Variants in UBR4 observed in about 807,000 individuals in gnomAD.
UBR4 encodes the protein ubiquitin protein ligase E3 component n-recognin 4, also known as E3 ubiquitin-protein ligase UBR4.
UBR4 carries 124 observed loss-of-function variants against 575.6 expected under a neutral mutation model. The observed-to-expected ratio is 0.22, with a 90% CI of 0.19 to 0.25. UBR4 has a LOEUF of 0.25. UBR4 is among the 10% of genes least tolerant of loss of function. UBR4 has a pLI of 1.00. For synonymous variants in UBR4, 2,455 were observed against 2,473.7 expected, an observed-to-expected ratio of 0.99 and a Z score of 0.22; for missense variants, 4,818 against 6,478.8, an observed-to-expected ratio of 0.74 and a Z score of 8.80.
chr1:19,126,801 C>A (rs1394050659), intron 63 of UBR4, 146 bp from the exon 64 acceptor site: 5 of 851,298 alleles, frequency 5.9e-6, no homozygotes, highest in Non-Finnish European at 8.9e-6. Flanking sequence ...ACTGAAACTT[C>A]CCCAAGGAAG....
Position 19,197,707 on chromosome 1 carries a change from G to A in UBR4, c.856C>T (p.Pro286Ser). 6.2e-7 allele frequency: 1 copy of A among 1,614,162 alleles called. No individual in the cohort carries two copies. The highest frequency in any genetic ancestry group is 8.5e-7 in the Non-Finnish European group (1 of 1,180,028). ...GCAGTGGCATCTGCTACTGTTGCAG[G>A]CATTATGAAGAAGGAATTAGCTAAA... ...AVLANSFFIM[P>S]ATVADATAVR... Residue 286 changes from proline to serine, a missense_variant, in exon 7 of 106, where the codon CCT becomes TCT. Pro to Ser is a moderately conservative substitution (Grantham distance 74). Around this residue, in one of 29 missense-constraint regions of UBR4, gnomAD observed 131 missense variants for 214.5 expected, o/e 0.61. Coordinates refer to ENST00000375254, the MANE Select transcript of UBR4 (RefSeq NM_020765.3).
chr1:19,087,960 G>A (rs746727342), intron 98 of UBR4, 31 bp from the exon 99 acceptor site: 2 of 1,551,044 alleles, frequency 1.3e-6, no homozygotes, highest in African/African-American at 2.7e-5. Flanking sequence ...CATGTCAAGG[G>A]GATTTCCACA....
intron 48 of UBR4, 162 bp from the exon 49 acceptor site, chr1:19,150,955 A>T (rs1037371709): frequency 1.4e-6 from 1 of 713,088 alleles, no homozygotes; most frequent in Non-Finnish European, 2.3e-6. Flanking sequence ...AATCGTGTAT[A>T]TATGCTGAAT....
At chr1:19,145,481 T>G (rs185175986) in intron 53 of UBR4, among the ~76,000 whole-genome samples, 6 of 141,958 alleles carry the variant, frequency 4.2e-5, no homozygotes, top group African/African-American at 1.6e-4. Context: ...TTGTCAAAGA[T>G]TTTTAAAAAC....
intron 97 of UBR4, among the ~76,000 whole-genome samples, chr1:19,091,612 G>A (rs553272786): frequency 4.5e-4 from 68 of 152,274 alleles, no homozygotes; most frequent in Admixed American, 2.9e-3. Flanking sequence ...AGAACCACAC[G>A]GAATCACTGC....
At chr1:19,135,240 T>C (rs1315596769) in intron 60 of UBR4, among the ~76,000 whole-genome samples, 1 of 152,214 alleles carries the variant, frequency 6.6e-6, no homozygotes, top group Non-Finnish European at 1.5e-5. Context: ...TGAGAAGCTG[T>C]TTCTGAACTC....
intron 64 of UBR4, 36 bp from the exon 65 acceptor site, chr1:19,124,726 A>T (rs2081538583): frequency 6.3e-7 from 1 of 1,598,104 alleles, no homozygotes; most frequent in Non-Finnish European, 8.5e-7. Flanking sequence ...ACCTGTGACT[A>T]TCGATTTTCC....
Position 19,197,817 on chromosome 1 carries a change from T to C in UBR4, c.752-6A>G. On this transcript the variant is annotated splice_region_variant and splice_polypyrimidine_tract_variant and intron_variant, in intron 6 of 105. Coordinates refer to ENST00000375254, the MANE Select transcript of UBR4 (RefSeq NM_020765.3). ...CAGTAGCTTCTCCGAGCCACCTAAA[T>C]GAATGAAAACCACAACCTTACAAAC... 1 of 1,614,038 alleles carries C rather than the reference T, an allele frequency of 6.2e-7. No individual in the cohort carries two copies. Among genetic ancestry groups the C allele is most frequent in the Non-Finnish European group, 8.5e-7 (1 of 1,179,954 alleles).
At chr1:19,077,476 G>A (rs1016182035) in intron 104 of UBR4, among the ~76,000 whole-genome samples, 1 of 152,216 alleles carries the variant, frequency 6.6e-6, no homozygotes, top group Admixed American at 6.5e-5. Context: ...GCCCATGCCT[G>A]TAATAGCAGC....
At chr1:19,136,003 A>C (rs139223371) in intron 60 of UBR4, among the ~76,000 whole-genome samples, 2 of 152,206 alleles carry the variant, frequency 1.3e-5, no homozygotes, top group African/African-American at 4.8e-5. Context: ...GTGATTTCTC[A>C]TTGGAAATAA....
At chr1:19,136,977 T>A (rs1188960454) in intron 60 of UBR4, among the ~76,000 whole-genome samples, 1 of 126,804 alleles carries the variant, frequency 7.9e-6, no homozygotes, top group Non-Finnish European at 1.9e-5. Context: ...TCAGGCACCA[T>A]TTTTTTTACC....
At chr1:19,196,322 T>C (rs1212853041) in intron 8 of UBR4, among the ~76,000 whole-genome samples, 1 of 152,178 alleles carries the variant, frequency 6.6e-6, no homozygotes, top group Admixed American at 6.5e-5. Flanking sequence ...ATGTTCAAAT[T>C]AAAACTGTTC....
intron 71 of UBR4, 153 bp downstream of exon 71, chr1:19,118,719 T>G: frequency 2.9e-6 from 2 of 695,588 alleles, no homozygotes; most frequent in Non-Finnish European, 4.9e-6. Flanking sequence ...TGCAAGACCC[T>G]GGCCTACATG....
At position 19,100,831 on chromosome 1, in the gene UBR4, G is replaced by A. The variant is rs1408460270; in HGVS notation, c.13024-258C>T. Among the ~76,000 whole-genome samples the A allele has an allele frequency of 6.6e-6, 1 of 151,846 alleles. No individual in the cohort carries two copies. Among genetic ancestry groups the A allele is most frequent in the African/African-American group, 2.4e-5 (1 of 41,304 alleles). ...AAGCCTAACAAAACAAGCAGACAAGGAGTGACATATGAGAGATATATTAAA... is the reference window on the plus strand; with the variant it reads ...AAGCCTAACAAAACAAGCAGACAAGAAGTGACATATGAGAGATATATTAAA... On this transcript the variant is annotated intron_variant, in intron 88 of 105. Coordinates refer to ENST00000375254, the MANE Select transcript of UBR4 (RefSeq NM_020765.3). The surrounding 1 kb of genome is among the most constrained non-coding windows in gnomAD (Gnocchi z 4.2).
chr1:19,077,941 G>A, intron 104 of UBR4, 35 bp downstream of exon 104: 1 of 1,613,060 alleles, frequency 6.2e-7, no homozygotes, highest in South Asian at 1.1e-5. Context: ...TTACACTCTT[G>A]CCAAAACCCA....
chr1:19,149,756 T>A (rs1422649996), intron 49 of UBR4: 1 of 1,300,504 alleles, frequency 7.7e-7, no homozygotes, highest in African/African-American at 1.5e-5. Flanking sequence ...AAAGAGGGCA[T>A]ACTAACCGGT....
At position 19,076,734 on chromosome 1, in the gene UBR4, A is replaced by G. The variant is rs2148384505; in HGVS notation, c.15487+6T>C. 3 of 1,614,074 alleles carry G rather than the reference A, an allele frequency of 1.9e-6. No homozygotes were observed. The highest frequency in any genetic ancestry group is 2.5e-6 in the Non-Finnish European group (3 of 1,180,014). Reference sequence around the variant, plus strand: ...GATCTTTAAAAGAGAAAACCTTGACACTAACCGGCCACATCGAGGAACTCT... The same window carrying G: ...GATCTTTAAAAGAGAAAACCTTGACGCTAACCGGCCACATCGAGGAACTCT... On this transcript the variant is annotated splice_donor_region_variant and intron_variant, in intron 105 of 105. Transcript: ENST00000375254.
chr1:19,074,784 G>A lies in UBR4; in HGVS notation c.*48C>T, dbSNP rs1483194175. 2.5e-6 allele frequency: 4 copies of A among 1,601,842 alleles called. No individual in the cohort carries two copies. The highest frequency in any genetic ancestry group is 3.4e-6 in the Non-Finnish European group (4 of 1,171,186). Reference sequence around the variant, plus strand: ...TGCACAAGGAGGGAGAACAGAGGGTGGAAGGCAAGCCAGCTTCGTCTTCGC... The same window carrying A: ...TGCACAAGGAGGGAGAACAGAGGGTAGAAGGCAAGCCAGCTTCGTCTTCGC... On this transcript the variant is annotated 3_prime_UTR_variant, in exon 106 of 106. Transcript: ENST00000375254.
chr1:19,173,342 A>C, intron 23 of UBR4, 36 bp from the exon 24 acceptor site: 2 of 1,612,530 alleles, frequency 1.2e-6, no homozygotes, highest in Non-Finnish European at 1.7e-6. Flanking sequence ...TTAGGAGATG[A>C]CTATAGGCAA....
Sources: gnomAD v4.1 joint callset for allele counts (sites outside exome capture counted in the v4.1 genomes callset) on GRCh38, gnomAD v4.1.1 for gene constraint, gnomAD v4.1.1 regional missense constraint, Gnocchi (gnomAD v3.1) non-coding constraint, MANE v1.5 for transcripts, NCBI Gene and HGNC (gene_info 2026-07-23, HGNC 2026-07-21) for gene names.